Variants in DOCK8 observed in about 807,000 individuals in gnomAD.
DOCK8 encodes the protein dedicator of cytokinesis 8.
DOCK8 carries 141 observed loss-of-function variants against 245.6 expected under a neutral mutation model. That is an observed-to-expected ratio of 0.57 (90% CI 0.50 to 0.66). The LOEUF is 0.66. DOCK8 is among the 30% of genes least tolerant of loss of function. DOCK8 has a pLI of 0.00. For missense variants in DOCK8, 2,965 were observed against 2,603.4 expected (o/e 1.14, Z -3.02); for synonymous variants, 1,168 against 970.2 (o/e 1.20, Z -3.79).
At chr9:384,574 T>G (rs962691415) in intron 22 of DOCK8, among the ~76,000 whole-genome samples, 1 of 152,108 alleles carries the variant, frequency 6.6e-6, no homozygotes, top group African/African-American at 2.4e-5. Context: ...TCTGCAGAGG[T>G]CCTGGTCCCT....
intron 1 of DOCK8, 171 bp downstream of exon 1, chr9:215,200 C>T (rs1458822682): frequency 3.3e-6 from 5 of 1,520,048 alleles, no homozygotes; most frequent in African/African-American, 2.9e-5. Context: ...AGCCGCTGGA[C>T]GCGCGGCGGC....
At chr9:394,313 C>T (rs1031222685) in intron 24 of DOCK8, among the ~76,000 whole-genome samples, 4 of 152,190 alleles carry the variant, frequency 2.6e-5, no homozygotes, top group Admixed American at 2.0e-4. Flanking sequence ...CATCCCCCAG[C>T]CAGAACTTTG....
At chr9:235,915 C>T (rs2047235225) in intron 1 of DOCK8, among the ~76,000 whole-genome samples, 1 of 152,210 alleles carries the variant, frequency 6.6e-6, no homozygotes, top group Non-Finnish European at 1.5e-5. Context: ...CTGTCCTGTA[C>T]CTACTGTCTG....
intron 44 of DOCK8, among the ~76,000 whole-genome samples, chr9:449,491 G>A (rs892773230): frequency 6.6e-6 from 1 of 152,182 alleles, no homozygotes; most frequent in African/African-American, 2.4e-5. Context: ...ACTACCTGTG[G>A]CATTCTGTGG....
At chr9:245,265 C>G (rs1299903902) in intron 1 of DOCK8, among the ~76,000 whole-genome samples, 1 of 152,110 alleles carries the variant, frequency 6.6e-6, no homozygotes, top group Non-Finnish European at 1.5e-5. Context: ...AGTGCAGTGG[C>G]ACAATCTCAG....
chr9:224,491 G>A (rs185063393), intron 1 of DOCK8, among the ~76,000 whole-genome samples: 1 of 152,290 alleles, frequency 6.6e-6, no homozygotes, highest in Admixed American at 6.5e-5. Context: ...ATGGCTGAAT[G>A]GTCAAGCTTG....
Position 244,276 on chromosome 9 carries a change from C to CCACACACA in DOCK8, c.54-27341_54-27334dup, listed in dbSNP as rs149153053. 1.7e-3 allele frequency among the ~76,000 whole-genome samples: 257 copies of CCACACACA among 149,906 alleles called. 1 individual carries two copies. The highest frequency in any genetic ancestry group is 3.1e-3 in the Non-Finnish European group (207 of 67,414). On this transcript the variant is annotated intron_variant, in intron 1 of 47. Transcript: ENST00000432829. Reference sequence around the variant, plus strand: ...ACTTTACAATCTAGTATTCCCCCCACCACACACACACACACACGCACACAC... The same window carrying CCACACACA: ...ACTTTACAATCTAGTATTCCCCCCACCACACACACACACACACACACACACGCACACAC...
At chr9:428,865 A>G (rs2056599062) in intron 35 of DOCK8, among the ~76,000 whole-genome samples, 2 of 152,248 alleles carry the variant, frequency 1.3e-5, no homozygotes, top group African/African-American at 4.8e-5. Flanking sequence ...GTCTTACAAA[A>G]TGTCATGCCA....
chr9:464,312 C>A lies in DOCK8; in HGVS notation c.*93C>A. The A allele has an allele frequency of 1.9e-6, 2 of 1,041,926 alleles. No individual in the cohort carries two copies. The highest frequency in any genetic ancestry group is 1.6e-5 in the African/African-American group (1 of 64,082). 64.5% of individuals were successfully genotyped at this position (1,041,926 alleles called of 1,614,324 possible). ...AAAATGGGACATTTGCCACCCAGGACTGACTGTACACTCCCTGATCAGCCA... is the reference window on the plus strand; with the variant it reads ...AAAATGGGACATTTGCCACCCAGGAATGACTGTACACTCCCTGATCAGCCA... On this transcript the variant is annotated 3_prime_UTR_variant, in exon 48 of 48. Coordinates refer to ENST00000432829, the MANE Select transcript of DOCK8 (RefSeq NM_203447.4).
At position 325,656 on chromosome 9, in the gene DOCK8, C is replaced by T. The variant is rs773615177; in HGVS notation, c.828-15C>T. 6.2e-7 allele frequency: 1 copy of T among 1,611,958 alleles called. No individual in the cohort carries two copies. Among genetic ancestry groups the T allele is most frequent in the South Asian group, 1.1e-5 (1 of 91,028 alleles). On this transcript the variant is annotated splice_polypyrimidine_tract_variant and intron_variant, in intron 7 of 47. Transcript: ENST00000432829. ...AACTCAAAGCCACATAGATTTTCCT[C>T]TCTTTCTATGGTAGGTTCGAGATTG...
chr9:430,472 A>G (rs1019427727), intron 36 of DOCK8, among the ~76,000 whole-genome samples: 3 of 152,142 alleles, frequency 2.0e-5, no homozygotes, highest in African/African-American at 7.2e-5. Flanking sequence ...AGATGAGGCC[A>G]GGAGTCCAAG....
At chr9:298,707 C>T (rs374210034) in intron 4 of DOCK8, among the ~76,000 whole-genome samples, 21 of 151,512 alleles carry the variant, frequency 1.4e-4, no homozygotes, top group African/African-American at 3.9e-4. Flanking sequence ...TGGAAATAGC[C>T]GCATTTTATT....
intron 14 of DOCK8, among the ~76,000 whole-genome samples, chr9:359,720 G>T (rs1056164952): frequency 2.0e-5 from 3 of 148,098 alleles, no homozygotes; most frequent in Admixed American, 1.4e-4. Flanking sequence ...ACCTTTTCCT[G>T]TAGTTTTTGA....
chr9:377,395 AAAAG>A (rs2053563696), intron 20 of DOCK8, among the ~76,000 whole-genome samples, 184 bp downstream of exon 20: 1 of 152,250 alleles, frequency 6.6e-6, no homozygotes, highest in South Asian at 2.1e-4. Flanking sequence ...GTTGGAAAGA[AAAAG>A]AAACATTAAA....
chr9:455,675 C>T (rs1359088958), intron 46 of DOCK8, among the ~76,000 whole-genome samples: 4 of 152,138 alleles, frequency 2.6e-5, no homozygotes, highest in African/African-American at 9.7e-5. Flanking sequence ...TTTCACATTT[C>T]TCCCTATTAC....
chr9:303,600 T>C (rs1422830679), intron 4 of DOCK8, among the ~76,000 whole-genome samples: 1 of 152,102 alleles, frequency 6.6e-6, no homozygotes, highest in African/African-American at 2.4e-5. Flanking sequence ...CGGGTAAACA[T>C]GGGCATAAAG....
At chr9:334,540 G>A (rs761353273) in intron 11 of DOCK8, among the ~76,000 whole-genome samples, 156 bp downstream of exon 11, 15 of 152,184 alleles carry the variant, frequency 9.9e-5, no homozygotes, top group South Asian at 2.1e-4. Context: ...ACTGGATTAC[G>A]TAGATTTGGA....
chr9:306,066 G>T (rs922728310), intron 5 of DOCK8, among the ~76,000 whole-genome samples: 1 of 152,144 alleles, frequency 6.6e-6, no homozygotes, highest in Non-Finnish European at 1.5e-5. Flanking sequence ...TGTCCAACCT[G>T]CCCATTTTAT....
chr9:262,043 G>A (rs12005634), intron 1 of DOCK8, among the ~76,000 whole-genome samples: 3,143 of 148,462 alleles, frequency 0.021, 51 homozygotes, highest in South Asian at 0.049. Context: ...AAGACACCGC[G>A]ATTTACCTAT....
Sources: gnomAD v4.1 joint callset for allele counts (sites outside exome capture counted in the v4.1 genomes callset) on GRCh38, gnomAD v4.1.1 for gene constraint, MANE v1.5 for transcripts, NCBI Gene and HGNC (gene_info 2026-07-23, HGNC 2026-07-21) for gene names.